The following ROBO2 variants were observed in gnomAD, a reference collection of about 807,000 sequenced individuals.
ROBO2 encodes the protein roundabout guidance receptor 2, also known as roundabout homolog 2.
Under a neutral mutation model 160.8 loss-of-function variants are expected in ROBO2, and 53 were observed. The observed-to-expected ratio is 0.33, with a 90% CI of 0.26 to 0.41. The LOEUF (loss-of-function observed/expected upper bound fraction) is 0.41, where lower values mean the gene tolerates loss of function less well. ROBO2 is among the 10% of genes least tolerant of loss of function. The pLI, the probability that ROBO2 is intolerant of heterozygous loss-of-function variation, is 1.00. For synonymous variants in ROBO2, 664 were observed against 611.7 expected (o/e 1.09, Z -1.26); for missense variants, 1,577 against 1,722.4 (o/e 0.92, Z 1.49).
chr3:77,636,705 T>C (rs2095269808), intron 24 of ROBO2, among the ~76,000 whole-genome samples: 1 of 152,200 alleles, frequency 6.6e-6, no homozygotes, highest in Middle Eastern at 3.2e-3. Context: ...CCATGGGCCA[T>C]AGTTTGCTGA....
At chr3:76,383,492 A>G (rs2076733202) in intron 2 of ROBO2, among the ~76,000 whole-genome samples, 1 of 152,232 alleles carries the variant, frequency 6.6e-6, no homozygotes. Context: ...ATTTTTAACA[A>G]TTTAATTTAG....
intron 2 of ROBO2, among the ~76,000 whole-genome samples, chr3:76,975,702 T>A (rs1454094766): frequency 6.6e-6 from 1 of 152,178 alleles, no homozygotes; most frequent in East Asian, 1.9e-4. Flanking sequence ...TTATTATTTT[T>A]AAATTTTGTC....
intron 2 of ROBO2, among the ~76,000 whole-genome samples, chr3:77,393,531 G>T (rs2074959843): frequency 7.6e-6 from 1 of 131,888 alleles, no homozygotes; most frequent in Admixed American, 7.6e-5. Flanking sequence ...ATATGTGAAT[G>T]AATTAACTAT....
intron 2 of ROBO2, chr3:75,964,916 G>A (rs2107308600): frequency 7.0e-6 from 1 of 142,314 alleles, no homozygotes; most frequent in Middle Eastern, 3.4e-3. Context: ...ATGTTTCCCA[G>A]AATAGTGGTT....
intron 2 of ROBO2, among the ~76,000 whole-genome samples, chr3:76,704,656 G>T (rs1036768754): frequency 6.6e-6 from 1 of 152,096 alleles, no homozygotes; most frequent in Non-Finnish European, 1.5e-5. Flanking sequence ...CACTACTGCA[G>T]ATTGGGCTCT....
At position 76,256,315 on chromosome 3, in the gene ROBO2, C is replaced by A. The variant is rs1011475800; in HGVS notation, c.109+318713C>A. ...ACAGAGTGAGTCTCTCTCTCTCTCT[C>A]TCTCTCTCTCTCTCTCTCTCTCTCT... is the stretch of plus-strand genomic sequence containing the variant. On this transcript the variant is annotated intron_variant, in intron 2 of 26. Coordinates refer to the ROBO2 transcript ENST00000487694. 8.8e-4 allele frequency among the ~76,000 whole-genome samples: 65 copies of A among 73,910 alleles called. 1 individual carries two copies. Among genetic ancestry groups the A allele is most frequent in the African/African-American group, 3.3e-3 (63 of 19,024 alleles). 48.5% of individuals were successfully genotyped at this position (73,910 alleles called of 152,430 possible). A position where few individuals can be genotyped will look rare whatever the true frequency, so the allele number is the denominator to read the frequency against.
intron 2 of ROBO2, among the ~76,000 whole-genome samples, chr3:76,252,630 C>T (rs1468478399): frequency 1.3e-5 from 2 of 150,574 alleles, no homozygotes; most frequent in African/African-American, 4.9e-5. Context: ...AGAAAAATAT[C>T]AAATAAAAAA....
chr3:77,538,821 G>T (rs1033530795), intron 6 of ROBO2: 1 of 477,826 alleles, frequency 2.1e-6, no homozygotes, highest in Non-Finnish European at 4.2e-6. Flanking sequence ...CTTACTACTG[G>T]TCTATAATTG....
intron 2 of ROBO2, among the ~76,000 whole-genome samples, chr3:76,716,233 C>A (rs2093376660): frequency 6.6e-6 from 1 of 152,128 alleles, no homozygotes; most frequent in Non-Finnish European, 1.5e-5. Flanking sequence ...ACTCAGGCAA[C>A]TTTCCATAGA....
chr3:76,691,421 G>A (rs2092799265), intron 2 of ROBO2, among the ~76,000 whole-genome samples: 1 of 152,044 alleles, frequency 6.6e-6, no homozygotes, highest in Non-Finnish European at 1.5e-5. Context: ...GGGTTGTGAT[G>A]AAATAATTAA....
At chr3:76,047,407 T>C (rs373360688) in intron 2 of ROBO2, among the ~76,000 whole-genome samples, 23 of 152,236 alleles carry the variant, frequency 1.5e-4, no homozygotes, top group African/African-American at 5.1e-4. Context: ...TCTGTCTGTC[T>C]TGTTCTATGA....
intron 1 of ROBO2, among the ~76,000 whole-genome samples, chr3:77,087,628 T>C (rs890599220): frequency 1.6e-4 from 24 of 152,058 alleles, no homozygotes; most frequent in African/African-American, 5.8e-4. Context: ...CTAACAGTTT[T>C]CTAGAAACCT....
chr3:76,744,346 T>C (rs973831964), intron 2 of ROBO2, among the ~76,000 whole-genome samples: 1 of 149,132 alleles, frequency 6.7e-6, no homozygotes, highest in African/African-American at 2.5e-5. Flanking sequence ...CTCCTCCTCC[T>C]CCTTTTCCTT....
At chr3:76,684,880 T>A (rs1308368572) in intron 2 of ROBO2, among the ~76,000 whole-genome samples, 2 of 152,096 alleles carry the variant, frequency 1.3e-5, no homozygotes, top group Non-Finnish European at 2.9e-5. Flanking sequence ...TTTGTATGTG[T>A]ATTTATTTTA....
intron 2 of ROBO2, among the ~76,000 whole-genome samples, chr3:76,702,835 A>G (rs1576095027): frequency 6.6e-6 from 1 of 152,154 alleles, no homozygotes; most frequent in South Asian, 2.1e-4. Context: ...AGGTAAGACG[A>G]AAGTTGACAT....
intron 2 of ROBO2, among the ~76,000 whole-genome samples, chr3:76,793,526 T>TA (rs933279410): frequency 6.6e-6 from 1 of 151,802 alleles, no homozygotes; most frequent in Non-Finnish European, 1.5e-5. Flanking sequence ...TTACAGGAAG[T>TA]AAAAAACATA....
intron 2 of ROBO2, among the ~76,000 whole-genome samples, chr3:76,543,674 G>C (rs958019217): frequency 6.6e-6 from 1 of 151,972 alleles, no homozygotes; most frequent in Non-Finnish European, 1.5e-5. Flanking sequence ...AGGGTTGTTA[G>C]GAAGAATAGA....
At chr3:77,572,654 C>T (rs1286944016) in intron 13 of ROBO2, among the ~76,000 whole-genome samples, 11 of 151,586 alleles carry the variant, frequency 7.3e-5, no homozygotes, top group Admixed American at 7.2e-4. Context: ...CACACACACA[C>T]ACACACACAC....
At chr3:77,246,327 A>ATGTGTGTGTG (rs71104664) in intron 2 of ROBO2, among the ~76,000 whole-genome samples, 1,533 of 145,812 alleles carry the variant, frequency 0.011, 14 homozygotes, top group African/African-American at 0.024. Flanking sequence ...GTGTATGTGT[A>ATGTGTGTGTG]TGTGTGTGTG....
Sources: gnomAD v4.1 joint callset for allele counts (sites outside exome capture counted in the v4.1 genomes callset) on GRCh38, gnomAD v4.1.1 for gene constraint, MANE v1.5 for transcripts, NCBI Gene and HGNC (gene_info 2026-07-23, HGNC 2026-07-21) for gene names.